The following EDIL3 variants were observed in gnomAD, a reference collection of about 807,000 sequenced individuals.
EDIL3 encodes the protein EGF like and discoidin domains 3.
Under a neutral mutation model 67.4 loss-of-function variants are expected in EDIL3, and 37 were observed. That is an observed-to-expected ratio of 0.55 (90% CI 0.42 to 0.72). The LOEUF is 0.72. Ranked by LOEUF, EDIL3 falls within the 30% of genes least tolerant of loss-of-function variation. EDIL3 has a pLI of 0.00. For synonymous variants in EDIL3, 195 were observed against 196.3 expected (o/e 0.99, Z 0.05); for missense variants, 527 against 586.3 (o/e 0.90, Z 1.04).
Position 84,384,342 on chromosome 5 carries a change from G to C in EDIL3, c.33C>G (p.Val11=), listed in dbSNP as rs1217692404. 1 of 1,612,222 alleles carries C rather than the reference G, an allele frequency of 6.2e-7. No homozygotes were observed. The highest frequency in any genetic ancestry group is 8.5e-7 in the Non-Finnish European group (1 of 1,179,256). Residue 11 remains valine, a synonymous_variant, in exon 1 of 11, where the codon GTC becomes GTG. Transcript: ENST00000296591. MKRSVAVWLL[V]GLSLGVPQFG... is the part of the protein sequence containing the mutation. ...ACTGGGGGACACCGAGGCTGAGCCC[G>C]ACCAAGAGCCAGACGGCTACCGAGC...
At chr5:84,098,328 G>A (rs567404693) in intron 6 of EDIL3, among the ~76,000 whole-genome samples, 35 of 152,216 alleles carry the variant, frequency 2.3e-4, no homozygotes, top group African/African-American at 7.9e-4. Context: ...TTATAAGTGA[G>A]TTTAAGCGAA....
chr5:84,344,240 G>A (rs1747191226), intron 1 of EDIL3, among the ~76,000 whole-genome samples: 1 of 151,994 alleles, frequency 6.6e-6, no homozygotes, highest in Admixed American at 6.6e-5. Context: ...ATTACAATTG[G>A]CACCATTTAC....
At chr5:84,253,294 A>G (rs1258461625) in intron 2 of EDIL3, among the ~76,000 whole-genome samples, 1 of 152,220 alleles carries the variant, frequency 6.6e-6, no homozygotes, top group African/African-American at 2.4e-5. Context: ...GATATATTCC[A>G]TCTTGTACTC....
At chr5:84,215,668 C>T (rs1336015508) in intron 3 of EDIL3, among the ~76,000 whole-genome samples, 1 of 152,164 alleles carries the variant, frequency 6.6e-6, no homozygotes, top group East Asian at 1.9e-4. Flanking sequence ...TCTGAGAATG[C>T]ACCTTCATGT....
intron 3 of EDIL3, among the ~76,000 whole-genome samples, chr5:84,190,463 T>C (rs1743555852): frequency 6.6e-6 from 1 of 151,600 alleles, no homozygotes; most frequent in African/African-American, 2.4e-5. Flanking sequence ...TTAGCTACCA[T>C]AGTTTGTTTC....
chr5:84,336,895 C>G (rs970775462), intron 1 of EDIL3, among the ~76,000 whole-genome samples: 2 of 151,750 alleles, frequency 1.3e-5, no homozygotes, highest in African/African-American at 4.8e-5. Context: ...AAGGAAAAAG[C>G]TTTGAAAGTT....
intron 6 of EDIL3, among the ~76,000 whole-genome samples, chr5:84,075,093 G>T (rs55671619): frequency 6.6e-6 from 1 of 151,790 alleles, no homozygotes; most frequent in African/African-American, 2.4e-5. Flanking sequence ...GCAAACTATC[G>T]CAAGGACAAA....
chr5:84,236,362 A>C (rs573815882), intron 2 of EDIL3, among the ~76,000 whole-genome samples: 1 of 152,216 alleles, frequency 6.6e-6, no homozygotes, highest in African/African-American at 2.4e-5. Flanking sequence ...AATATCTTTA[A>C]GTTAGGTGAT....
intron 1 of EDIL3, among the ~76,000 whole-genome samples, chr5:84,353,022 T>A (rs1378483688): frequency 1.3e-5 from 2 of 152,082 alleles, no homozygotes; most frequent in Middle Eastern, 3.2e-3. Context: ...GAGGCAACAG[T>A]CAGGGATGAT....
At chr5:84,135,593 C>T (rs971863552) in intron 5 of EDIL3, among the ~76,000 whole-genome samples, 7 of 152,182 alleles carry the variant, frequency 4.6e-5, no homozygotes, top group African/African-American at 9.6e-5. Flanking sequence ...AAGTGCTGTG[C>T]CTGGGACAGG....
chr5:84,150,259 T>A (rs950443062), intron 4 of EDIL3, among the ~76,000 whole-genome samples: 2 of 152,176 alleles, frequency 1.3e-5, no homozygotes, highest in East Asian at 1.9e-4. Context: ...CAAAATAGAT[T>A]GTAGATTACA....
intron 1 of EDIL3, among the ~76,000 whole-genome samples, chr5:84,375,254 G>C (rs1247309699): frequency 2.0e-5 from 3 of 152,162 alleles, no homozygotes; most frequent in African/African-American, 7.2e-5. Flanking sequence ...ACAGGCATGT[G>C]CCACTGCGCC....
intron 4 of EDIL3, among the ~76,000 whole-genome samples, 176 bp downstream of exon 4, chr5:84,180,217 T>G (rs1032722185): frequency 6.6e-5 from 10 of 152,088 alleles, no homozygotes; most frequent in Admixed American, 5.9e-4. Context: ...TGAAACACAG[T>G]CTAGGAGTCC....
At chr5:83,984,769 T>C (rs1012094730) in intron 9 of EDIL3, among the ~76,000 whole-genome samples, 3 of 152,042 alleles carry the variant, frequency 2.0e-5, no homozygotes, top group African/African-American at 4.8e-5. Flanking sequence ...GCACGGGATG[T>C]CGTCTGCTTC....
intron 1 of EDIL3, among the ~76,000 whole-genome samples, chr5:84,257,136 CA>C (rs944532312): frequency 3.9e-4 from 60 of 152,294 alleles, no homozygotes; most frequent in African/African-American, 1.4e-3. Flanking sequence ...GAGGTTCTTT[CA>C]ATTATCCCAT....
At chr5:84,308,515 T>G (rs758594475) in intron 1 of EDIL3, among the ~76,000 whole-genome samples, 1 of 152,222 alleles carries the variant, frequency 6.6e-6, no homozygotes, top group Non-Finnish European at 1.5e-5. Flanking sequence ...TTGGCTTTTA[T>G]ATGATGGGTA....
chr5:84,190,547 A>ATG (rs1326799356), intron 3 of EDIL3, among the ~76,000 whole-genome samples: 3 of 62,238 alleles, frequency 4.8e-5, no homozygotes, highest in African/African-American at 1.6e-4. Flanking sequence ...ATATATATAT[A>ATG]TATATGTGTG....
At chr5:84,372,999 C>T (rs1747886968) in intron 1 of EDIL3, among the ~76,000 whole-genome samples, 1 of 152,108 alleles carries the variant, frequency 6.6e-6, no homozygotes, top group Non-Finnish European at 1.5e-5. Flanking sequence ...TAACTGGATA[C>T]TGTTTTTCCT....
intron 1 of EDIL3, among the ~76,000 whole-genome samples, chr5:84,303,869 C>T (rs1048478555): frequency 4.8e-4 from 62 of 128,082 alleles, no homozygotes; most frequent in African/African-American, 1.6e-3. Context: ...TGTGTGTGTG[C>T]ATGCATGCCC....
Sources: allele counts gnomAD v4.1 joint callset (sites outside exome capture counted in the v4.1 genomes callset), GRCh38; gene constraint gnomAD v4.1.1; transcripts MANE v1.5; gene names NCBI Gene and HGNC (gene_info 2026-07-23, HGNC 2026-07-21).